CDKN2B-AS1: variants seen among roughly 807,000 people sequenced by gnomAD.
The protein encoded by CDKN2B-AS1 is CDKN2B and CDKN2A antisense cis and trans regulatory RNA 1, also known as CDKN2B antisense RNA 1 (non-protein coding).
intron 3 of CDKN2B-AS1, among the ~76,000 whole-genome samples, chr9:22,053,853 C>T (rs1045538037): frequency 1.3e-5 from 2 of 151,974 alleles, no homozygotes; most frequent in Non-Finnish European, 2.9e-5. Flanking sequence ...CTAATTGTTA[C>T]AGCCATCGAA....
intron 1 of CDKN2B-AS1, among the ~76,000 whole-genome samples, chr9:22,033,474 A>G (rs1330312155): frequency 6.6e-6 from 1 of 152,160 alleles, no homozygotes; most frequent in Non-Finnish European, 1.5e-5. Flanking sequence ...AAAACTTTTA[A>G]CAAGTACTGG....
intron 4 of CDKN2B-AS1, among the ~76,000 whole-genome samples, chr9:22,122,060 A>ATT (rs35831924): frequency 0.048 from 6,998 of 145,464 alleles, 209 homozygotes; most frequent in African/African-American, 0.085. Context: ...AGCATTTGTT[A>ATT]TTTTTTTTTT....
At chr9:22,082,659 A>T (rs1824738059) in intron 4 of CDKN2B-AS1, among the ~76,000 whole-genome samples, 1 of 152,204 alleles carries the variant, frequency 6.6e-6, no homozygotes, top group Non-Finnish European at 1.5e-5. Flanking sequence ...TTTATTTTTA[A>T]GGAGGAGCAT....
chr9:22,072,593 A>G (rs1824341121), intron 4 of CDKN2B-AS1, among the ~76,000 whole-genome samples: 1 of 152,244 alleles, frequency 6.6e-6, no homozygotes, highest in South Asian at 2.1e-4. Context: ...AGGGTTGTAC[A>G]ACATGGTGGT....
chr9:22,120,562 G>A (rs1210477473), intron 4 of CDKN2B-AS1: 1 of 152,042 alleles, frequency 6.6e-6, no homozygotes, highest in African/African-American at 2.4e-5. Flanking sequence ...ATAGATCAAA[G>A]CTGTGGCAGA....
At chr9:22,017,247 A>T (rs1359697641) in intron 1 of CDKN2B-AS1, among the ~76,000 whole-genome samples, 1 of 152,238 alleles carries the variant, frequency 6.6e-6, no homozygotes, top group East Asian at 1.9e-4. Flanking sequence ...CAATATGGTG[A>T]AACCCCATCT....
In CDKN2B-AS1 at chr9:22,006,217, C is replaced by G. The variant is rs777125202; in HGVS notation, n.29+11056C>G. The G allele has an allele frequency of 4.4e-6, 7 of 1,607,684 alleles. No individual in the cohort carries two copies. Among genetic ancestry groups the G allele is most frequent in the Non-Finnish European group, 5.9e-6 (7 of 1,179,902 alleles). On this transcript the variant is annotated intron_variant and non_coding_transcript_variant, in intron 1 of 4. Coordinates refer to ENST00000650946, the Ensembl canonical transcript of CDKN2B-AS1. The surrounding 1 kb of genome is among the most constrained non-coding windows in gnomAD (Gnocchi z 6.4). ...TCCGCGCCGTGGAGCAGCAGCAGCT[C>G]CGCCACGCGGGCGCTGCCCATCATC...
In CDKN2B-AS1 at chr9:22,006,815, CAT is replaced by C. The variant is rs1351297781; in HGVS notation, n.29+11655_29+11656del. Among the ~76,000 whole-genome samples, 1 of 151,318 alleles carries C rather than the reference CAT, an allele frequency of 6.6e-6. No individual in the cohort carries two copies. The highest frequency in any genetic ancestry group is 1.5e-5 in the Non-Finnish European group (1 of 67,872). ...TCCCGTGCGGAAGGCTTTTGTTTGT[CAT>C]GTGTCTGAGCTCATAACTGGCTTGT... On this transcript the variant is annotated intron_variant and non_coding_transcript_variant, in intron 1 of 4. Transcript: ENST00000650946. This position sits in a 1 kb window ranked among gnomAD's most constrained non-coding sequence, Gnocchi z 6.4.
intron 4 of CDKN2B-AS1, among the ~76,000 whole-genome samples, chr9:22,106,491 A>G (rs1825663351): frequency 6.6e-6 from 1 of 152,202 alleles, no homozygotes; most frequent in African/African-American, 2.4e-5. Context: ...TGCTCGGATT[A>G]TAGGCATGCG....
In CDKN2B-AS1 at chr9:22,075,087, A is replaced by T. The variant is rs578182581; in HGVS notation, n.438+18700A>T. ...TCTTCTTTAAATACATTTACTTAAA[A>T]ATGTGAGTTGATTTAAAGAGAAATA... is the stretch of plus-strand genomic sequence containing the variant. On this transcript the variant is annotated intron_variant and non_coding_transcript_variant, in intron 4 of 4. Coordinates refer to ENST00000650946, the Ensembl canonical transcript of CDKN2B-AS1. Among the ~76,000 whole-genome samples the T allele has an allele frequency of 2.2e-4, 33 of 152,350 alleles. 1 individual carries two copies. The highest frequency in any genetic ancestry group is 2.1e-3 in the Admixed American group (32 of 15,300).
At chr9:22,013,905 A>G (rs1821624352) in intron 1 of CDKN2B-AS1, among the ~76,000 whole-genome samples, 2 of 151,254 alleles carry the variant, frequency 1.3e-5, no homozygotes, top group South Asian at 4.2e-4. Context: ...TTTCTTTGTC[A>G]TTTGTATTTC....
chr9:22,006,235 C>T lies in CDKN2B-AS1; in HGVS notation n.29+11074C>T. On this transcript the variant is annotated intron_variant and non_coding_transcript_variant, in intron 1 of 4. Transcript: ENST00000650946. This position sits in a 1 kb window ranked among gnomAD's most constrained non-coding sequence, Gnocchi z 6.4. ...AGCAGCTCCGCCACGCGGGCGCTGC[C>T]CATCATCATGACCTGCCAGAGAGAG... 1 of 1,605,764 alleles carries T rather than the reference C, an allele frequency of 6.2e-7. No homozygotes were observed.
chr9:22,081,173 G>T (rs1048126417), intron 4 of CDKN2B-AS1, among the ~76,000 whole-genome samples: 4 of 151,380 alleles, frequency 2.6e-5, no homozygotes, highest in Admixed American at 6.6e-5. Context: ...TTTTGAAGTT[G>T]TCATGTACAT....
chr9:22,019,492 G>A (rs1055437470), intron 1 of CDKN2B-AS1, among the ~76,000 whole-genome samples: 3 of 152,190 alleles, frequency 2.0e-5, no homozygotes, highest in Non-Finnish European at 2.9e-5. Flanking sequence ...TGTTAGGCAG[G>A]TTTTTACAAT....
At chr9:22,064,411 C>T (rs1048186448) in intron 4 of CDKN2B-AS1, among the ~76,000 whole-genome samples, 1 of 151,934 alleles carries the variant, frequency 6.6e-6, no homozygotes, top group African/African-American at 2.4e-5. Context: ...GGGATGGGGT[C>T]TTTCACATAA....
Position 22,026,369 on chromosome 9 carries a change from A to G in CDKN2B-AS1, n.30-20382A>G, listed in dbSNP as rs1405766074. On this transcript the variant is annotated intron_variant and non_coding_transcript_variant, in intron 1 of 4. Transcript: ENST00000650946. ...ATGGGATCGGGGACCAACTTAAAGCAGCAGTCTGGCCACATTTTAATAGAG... is the reference window on the plus strand; with the variant it reads ...ATGGGATCGGGGACCAACTTAAAGCGGCAGTCTGGCCACATTTTAATAGAG... Among the ~76,000 whole-genome samples, 7 of 152,326 alleles carry G rather than the reference A, an allele frequency of 4.6e-5. No individual in the cohort carries two copies. In the East Asian group the frequency reaches 1.4e-3, roughly 29 times the overall value.
Position 22,081,715 on chromosome 9 carries a change from G to GA in CDKN2B-AS1, n.438+25334dup, listed in dbSNP as rs927818666. Reference sequence around the variant, plus strand: ...GCTTGTCTATTAGTTGTGTAATCTTGAAAAAATCTCTGACACTTTTCCCTC... The same window carrying GA: ...GCTTGTCTATTAGTTGTGTAATCTTGAAAAAAATCTCTGACACTTTTCCCTC... On this transcript the variant is annotated intron_variant and non_coding_transcript_variant, in intron 4 of 4. Transcript: ENST00000650946. Among the ~76,000 whole-genome samples, 7 of 152,256 alleles carry GA rather than the reference G, an allele frequency of 4.6e-5. No homozygotes were observed. In the East Asian group the frequency reaches 7.7e-4, roughly 17 times the overall value.
chr9:22,009,432 G>C, intron 1 of CDKN2B-AS1: 1 of 296,544 alleles, frequency 3.4e-6, no homozygotes, highest in South Asian at 5.5e-5. Flanking sequence ...GACGCGTCAC[G>C]AGGGCGGGGA....
At chr9:22,024,100 G>A (rs1322866923) in intron 1 of CDKN2B-AS1, among the ~76,000 whole-genome samples, 2 of 152,148 alleles carry the variant, frequency 1.3e-5, no homozygotes, top group Non-Finnish European at 2.9e-5. Context: ...TGAGGTTGCT[G>A]ACATTTGGAT....
Sources: allele counts gnomAD v4.1 joint callset (sites outside exome capture counted in the v4.1 genomes callset), GRCh38; gene constraint gnomAD v4.1.1; non-coding constraint Gnocchi (gnomAD v3.1); transcripts MANE v1.5; gene names NCBI Gene and HGNC (gene_info 2026-07-23, HGNC 2026-07-21).